TOP2B: variants seen among roughly 807,000 people sequenced by gnomAD.
The protein encoded by TOP2B is DNA topoisomerase II beta, also known as DNA topoisomerase 2-beta.
TOP2B carries 51 observed loss-of-function variants against 193.5 expected under a neutral mutation model. That is an observed-to-expected ratio of 0.26 (90% CI 0.21 to 0.33). The LOEUF (loss-of-function observed/expected upper bound fraction) is 0.33, where lower values mean the gene tolerates loss of function less well. TOP2B is among the 10% of genes least tolerant of loss of function. The pLI is 1.00. For missense variants in TOP2B, 1,378 were observed against 1,909.3 expected (o/e 0.72, Z 5.19); for synonymous variants, 634 against 635.7 (o/e 1.00, Z 0.04).
chr3:25,660,705 A>C (rs1703884577), intron 1 of TOP2B, among the ~76,000 whole-genome samples: 1 of 152,236 alleles, frequency 6.6e-6, no homozygotes, highest in Non-Finnish European at 1.5e-5. Context: ...TCAGCAATTT[A>C]GACTCGCAAC....
intron 8 of TOP2B, 129 bp downstream of exon 8, chr3:25,633,712 A>T: frequency 1.5e-6 from 1 of 681,512 alleles, no homozygotes; most frequent in Middle Eastern, 4.5e-4. Flanking sequence ...TTGTTTTCAT[A>T]AGTCAATTCT....
chr3:25,651,593 C>T (rs940182955), intron 1 of TOP2B, among the ~76,000 whole-genome samples: 1 of 152,038 alleles, frequency 6.6e-6, no homozygotes, highest in African/African-American at 2.4e-5. Flanking sequence ...GGGCCAGGAG[C>T]GGTGGCTCAC....
At chr3:25,634,582 G>A (rs1703048885) in intron 7 of TOP2B, among the ~76,000 whole-genome samples, 1 of 151,946 alleles carries the variant, frequency 6.6e-6, no homozygotes, top group South Asian at 2.1e-4. Flanking sequence ...TAGTTTGAAT[G>A]CATAAAGCTT....
At chr3:25,655,495 T>A (rs149573033) in intron 1 of TOP2B, among the ~76,000 whole-genome samples, 287 of 152,250 alleles carry the variant, frequency 1.9e-3, no homozygotes, top group Middle Eastern at 6.8e-3. Flanking sequence ...AAATTAAAAA[T>A]AGAATTACTA....
chr3:25,615,798 G>GA, intron 25 of TOP2B: 1 of 371,836 alleles, frequency 2.7e-6, no homozygotes, highest in East Asian at 4.3e-5. Context: ...TCTTCAGAAG[G>GA]AATGGTATAC....
rs1559500948 is a variant in TOP2B at position 25,630,303 on chromosome 3, CAT to C, written c.1563+7_1563+8del. 4.5e-6 allele frequency: 7 copies of C among 1,550,444 alleles called. No individual in the cohort carries two copies. The highest frequency in any genetic ancestry group is 2.0e-5 in the Admixed American group (1 of 50,930). ...GTGTATACACATATATATACACACA[CAT>C]ACATACCTGTTTATGAGAAGCTTCC... On this transcript the variant is annotated splice_region_variant and intron_variant, in intron 12 of 35. Transcript: ENST00000264331.
chr3:25,649,019 G>GA (rs1475643732), intron 1 of TOP2B, among the ~76,000 whole-genome samples: 2 of 152,100 alleles, frequency 1.3e-5, no homozygotes, highest in African/African-American at 4.8e-5. Context: ...TAAACAAAAG[G>GA]AAAAAATCAA....
intron 19 of TOP2B, 32 bp downstream of exon 19, chr3:25,624,650 A>T: frequency 6.2e-7 from 1 of 1,607,590 alleles, no homozygotes; most frequent in Non-Finnish European, 8.5e-7. Flanking sequence ...CAATAATTAC[A>T]GTTCTCAATT....
At chr3:25,613,250 A>C (rs751119269) in intron 27 of TOP2B, among the ~76,000 whole-genome samples, 9 of 152,240 alleles carry the variant, frequency 5.9e-5, no homozygotes, top group Non-Finnish European at 1.0e-4. Flanking sequence ...TTAATATCCT[A>C]GATTTTGCAT....
At chr3:25,611,336 A>G (rs1258961831) in intron 28 of TOP2B, among the ~76,000 whole-genome samples, 1 of 152,172 alleles carries the variant, frequency 6.6e-6, no homozygotes, top group African/African-American at 2.4e-5. Flanking sequence ...GCCAAGTAAG[A>G]GGAAAGTAGT....
intron 4 of TOP2B, among the ~76,000 whole-genome samples, chr3:25,640,183 T>TA (rs1237831298): frequency 3.3e-5 from 5 of 152,194 alleles, no homozygotes; most frequent in African/African-American, 1.2e-4. Flanking sequence ...GTATATGTGG[T>TA]AAAAAATGAC....
intron 1 of TOP2B, among the ~76,000 whole-genome samples, chr3:25,651,365 T>C (rs940109423): frequency 6.6e-6 from 1 of 151,134 alleles, no homozygotes; most frequent in African/African-American, 2.4e-5. Context: ...AGATATGTTA[T>C]GTAATGGCAA....
intron 33 of TOP2B, among the ~76,000 whole-genome samples, chr3:25,602,230 T>C (rs1429729975): frequency 1.3e-5 from 2 of 151,862 alleles, no homozygotes; most frequent in Non-Finnish European, 2.9e-5. Flanking sequence ...ACCCCATCTC[T>C]ACTAAAAATA....
At position 25,607,467 on chromosome 3, in the gene TOP2B, C is replaced by T. The variant is rs947253488; in HGVS notation, c.4094-92G>A. ...CTGATAAAGCATTTGAAGTATATTC[C>T]AACCATCTCTAAAAATACCATAAGA... On this transcript the variant is annotated intron_variant, in intron 30 of 35. Coordinates refer to ENST00000264331, the MANE Select transcript of TOP2B (RefSeq NM_001330700.2). The T allele has an allele frequency of 1.4e-4, 198 of 1,374,938 alleles. 3 individuals carry two copies. In the South Asian group the frequency reaches 2.8e-3, roughly 19 times the overall value. The allele number at this position is 1,374,938 out of a possible 1,614,324, so 85.2% of individuals were successfully genotyped here. A position where few individuals can be genotyped will look rare whatever the true frequency, so the allele number is the denominator to read the frequency against.
rs11372851 is a variant in TOP2B, at chr3:25,598,482, AT to A, written c.4711-6del. On this transcript the variant is annotated splice_region_variant and splice_polypyrimidine_tract_variant and intron_variant, in intron 35 of 35. Coordinates refer to ENST00000264331, the MANE Select transcript of TOP2B (RefSeq NM_001330700.2). ...AAAAGATGTCTTCTTCGGTTTCTAGATTTTTTTTCAATAGATTTAAAAGTTA... is the reference window on the plus strand; with the variant it reads ...AAAAGATGTCTTCTTCGGTTTCTAGATTTTTTTCAATAGATTTAAAAGTTA... The A allele has an allele frequency of 5.8e-6, 9 of 1,557,392 alleles. No homozygotes were observed. Among genetic ancestry groups the A allele is most frequent in the South Asian group, 4.9e-5 (4 of 82,296 alleles).
chr3:25,655,979 G>A (rs561601183), intron 1 of TOP2B, among the ~76,000 whole-genome samples: 5 of 152,016 alleles, frequency 3.3e-5, no homozygotes, highest in Admixed American at 6.6e-5. Context: ...TAACACTACC[G>A]AACTCTACAC....
At chr3:25,632,913 A>G in intron 8 of TOP2B, 119 bp from the exon 9 acceptor site, 2 of 820,664 alleles carry the variant, frequency 2.4e-6, no homozygotes, top group East Asian at 2.7e-5. Flanking sequence ...ACGAGAGTTG[A>G]GATTTTAAAA....
chr3:25,637,190 A>G, intron 6 of TOP2B, 25 bp downstream of exon 6: 1 of 1,498,650 alleles, frequency 6.7e-7, no homozygotes, highest in Non-Finnish European at 9.1e-7. Context: ...TTTTAAAAAA[A>G]GAAATAGATG....
chr3:25,662,699 T>A (rs1269411524), intron 1 of TOP2B, among the ~76,000 whole-genome samples: 3 of 152,204 alleles, frequency 2.0e-5, no homozygotes, highest in Non-Finnish European at 4.4e-5. Context: ...TATATAACAG[T>A]TAATTAAAGT....
Sources: allele counts gnomAD v4.1 joint callset (sites outside exome capture counted in the v4.1 genomes callset), GRCh38; gene constraint gnomAD v4.1.1; transcripts MANE v1.5; gene names NCBI Gene and HGNC (gene_info 2026-07-23, HGNC 2026-07-21).